The following ADCY10 variants were observed in gnomAD, a reference collection of about 807,000 sequenced individuals.
ADCY10 encodes adenylate cyclase 10.
ADCY10 carries 156 observed loss-of-function variants against 183.3 expected under a neutral mutation model. The ratio of observed to expected loss-of-function variants is 0.85; its 90% CI spans 0.75 to 0.97. ADCY10 has a LOEUF of 0.97. ADCY10 is among the 50% of genes least tolerant of loss of function. The pLI, the probability that ADCY10 is intolerant of heterozygous loss-of-function variation, is 0.00. For missense variants in ADCY10, 1,745 were observed against 1,934.3 expected (o/e 0.90, Z 1.84); for synonymous variants, 645 against 670.0 (o/e 0.96, Z 0.58).
At chr1:167,869,587 CT>C (rs1370594577) in intron 14 of ADCY10, among the ~76,000 whole-genome samples, 1 of 152,198 alleles carries the variant, frequency 6.6e-6, no homozygotes, top group Non-Finnish European at 1.5e-5. Flanking sequence ...AATTCGACCC[CT>C]GACCTAGCAA....
intron 1 of ADCY10, among the ~76,000 whole-genome samples, chr1:167,911,193 C>T (rs1375893587): frequency 6.6e-6 from 1 of 152,298 alleles, no homozygotes; most frequent in Non-Finnish European, 1.5e-5. Flanking sequence ...TAGCTATCTA[C>T]CTGTGAGGGT....
At position 167,854,353 on chromosome 1, in the gene ADCY10, T is replaced by C; in HGVS notation, c.2308A>G (p.Lys770Glu). Residue 770 changes from lysine to glutamate, a missense_variant and splice_region_variant, in exon 18 of 33, where the codon AAG (lysine) becomes GAG (glutamate). Coordinates refer to ENST00000367851, the MANE Select transcript of ADCY10 (RefSeq NM_018417.6). ...KTNRTWNNLF[K>E]YSIKLTEKLN... ...AAAGAACCATCACCGCAGGACTTAC[T>C]GAACAGGTTATTCCAGGTCCTATTT... The C allele has an allele frequency of 6.2e-7, 1 of 1,614,200 alleles. No individual in the cohort carries two copies. Among genetic ancestry groups the C allele is most frequent in the Non-Finnish European group, 8.5e-7 (1 of 1,180,020 alleles).
At chr1:167,886,001 G>A (rs1327850324) in intron 8 of ADCY10, among the ~76,000 whole-genome samples, 1 of 152,056 alleles carries the variant, frequency 6.6e-6, no homozygotes, top group African/African-American at 2.4e-5. Flanking sequence ...GGATGTGAAG[G>A]ACCTCTTCAA....
chr1:167,902,250 G>A (rs951203793), intron 3 of ADCY10, among the ~76,000 whole-genome samples, 196 bp from the exon 4 acceptor site: 3 of 152,162 alleles, frequency 2.0e-5, no homozygotes, highest in Admixed American at 2.0e-4. Context: ...TGAGTACGTG[G>A]AACCAGTTTA....
chr1:167,848,329 G>A (rs771884915), intron 19 of ADCY10, 32 bp downstream of exon 19: 23 of 1,601,940 alleles, frequency 1.4e-5, no homozygotes, highest in Middle Eastern at 1.7e-4. Flanking sequence ...GATTACAGGC[G>A]TGAGCCACTG....
intron 26 of ADCY10, 68 bp from the exon 27 acceptor site, chr1:167,824,923 T>A: frequency 7.2e-7 from 1 of 1,388,632 alleles, no homozygotes; most frequent in East Asian, 2.3e-5. Context: ...CATCACTCAA[T>A]GTCTGCCAGT....
intron 18 of ADCY10, among the ~76,000 whole-genome samples, chr1:167,850,893 C>G (rs1291382841): frequency 6.6e-6 from 1 of 151,928 alleles, no homozygotes; most frequent in East Asian, 1.9e-4. Flanking sequence ...AAACTCCATG[C>G]CTCATGAAGC....
intron 1 of ADCY10, among the ~76,000 whole-genome samples, chr1:167,913,088 T>C (rs1338886403): frequency 6.6e-6 from 1 of 152,226 alleles, no homozygotes; most frequent in Non-Finnish European, 1.5e-5. Flanking sequence ...CCTTATCAAC[T>C]GTTCAGCCAA....
intron 10 of ADCY10, 121 bp from the exon 11 acceptor site, chr1:167,880,312 G>C (rs576979577): frequency 9.6e-7 from 1 of 1,041,212 alleles, no homozygotes; most frequent in South Asian, 1.3e-5. Context: ...TTCTCTACCC[G>C]TTGGAATTAG....
At chr1:167,896,475 GGT>G in intron 7 of ADCY10, 118 bp downstream of exon 7, 3 of 826,168 alleles carry the variant, frequency 3.6e-6, no homozygotes, top group Non-Finnish European at 6.4e-6. Context: ...TTTGTGTGCT[GGT>G]AAGGACCAGG....
intron 18 of ADCY10, among the ~76,000 whole-genome samples, chr1:167,850,554 T>A (rs989807951): frequency 2.0e-5 from 3 of 150,012 alleles, no homozygotes; most frequent in African/African-American, 7.4e-5. Context: ...CCAGGAGGAG[T>A]AGACCCAGGT....
chr1:167,836,208 T>C, intron 23 of ADCY10, 101 bp downstream of exon 23: 1 of 786,970 alleles, frequency 1.3e-6, no homozygotes, highest in Non-Finnish European at 2.2e-6. Flanking sequence ...GTCGGGAATA[T>C]ACAACGTGAA....
At chr1:167,832,143 C>T (rs1215605458) in intron 25 of ADCY10, among the ~76,000 whole-genome samples, 1 of 152,146 alleles carries the variant, frequency 6.6e-6, no homozygotes, top group Admixed American at 6.5e-5. Context: ...GTATCTTAGG[C>T]AGAACCTATA....
At chr1:167,894,621 G>A (rs1457861249) in intron 7 of ADCY10, among the ~76,000 whole-genome samples, 1 of 150,432 alleles carries the variant, frequency 6.6e-6, no homozygotes, top group Non-Finnish European at 1.5e-5. Context: ...GAAAAAAAAT[G>A]TGTGTGTGTG....
chr1:167,827,334 A>AT lies in ADCY10; in HGVS notation c.3750+1932dup, dbSNP rs35177857. Among the ~76,000 whole-genome samples the AT allele has an allele frequency of 5.0e-3, 670 of 132,866 alleles. 8 individuals are homozygous for AT. Among genetic ancestry groups the AT allele is most frequent in the Middle Eastern group, 0.015 (4 of 260 alleles). The allele number at this position is 132,866 out of a possible 152,430, so 87.2% of individuals were successfully genotyped here. A position where few individuals can be genotyped will look rare whatever the true frequency, so the allele number is the denominator to read the frequency against. On this transcript the variant is annotated intron_variant, in intron 26 of 32. Transcript: ENST00000367851. ...AGGCGCCCGCCACCACGCCCGGCTA[A>AT]TTTTTTTTTTTTTTTTTGTATTTTC...
rs1665221953 is a variant in ADCY10, at chr1:167,848,447, A to G, written c.2351T>C (p.Leu784Pro). Residue 784 changes from leucine to proline, a missense_variant, in exon 19 of 33, where the codon CTC becomes CCC. Physicochemically the swap from Leu to Pro is moderately conservative, Grantham distance 98 (BLOSUM62 -3). Coordinates refer to ENST00000367851, the MANE Select transcript of ADCY10 (RefSeq NM_018417.6). ...TTCTTCACTTTCCTTATCACTATGG[A>G]GAGTAACCATGTTTAACTTCTCTGT... Reference protein sequence around the residue: ...KLTEKLNMVTLHSDKESEEVC... With the variant: ...KLTEKLNMVTPHSDKESEEVC... 3 of 1,613,622 alleles carry G rather than the reference A, an allele frequency of 1.9e-6. No homozygotes were observed. The highest frequency in any genetic ancestry group is 2.7e-5 in the African/African-American group (2 of 74,894).
chr1:167,841,712 AC>A (rs1664666250), intron 21 of ADCY10, among the ~76,000 whole-genome samples: 1 of 151,062 alleles, frequency 6.6e-6, no homozygotes, highest in Admixed American at 6.6e-5. Context: ...CTGGTCTTGA[AC>A]CCTTGGCCTC....
chr1:167,833,923 G>C, intron 24 of ADCY10, 47 bp downstream of exon 24: 1 of 1,427,436 alleles, frequency 7.0e-7, no homozygotes, highest in Non-Finnish European at 9.8e-7. Flanking sequence ...CTATGGAAAG[G>C]CCTAAGATAT....
chr1:167,844,157 A>G (rs1664839809), intron 21 of ADCY10, among the ~76,000 whole-genome samples: 1 of 152,228 alleles, frequency 6.6e-6, no homozygotes, highest in Non-Finnish European at 1.5e-5. Flanking sequence ...AGAATTTAAT[A>G]AATGCTAGTA....
Sources: gnomAD v4.1 joint callset for allele counts (sites outside exome capture counted in the v4.1 genomes callset) on GRCh38, gnomAD v4.1.1 for gene constraint, MANE v1.5 for transcripts, NCBI Gene and HGNC (gene_info 2026-07-23, HGNC 2026-07-21) for gene names.